FRS2: variants seen among roughly 807,000 people sequenced by gnomAD.
FRS2 encodes the protein FGFR signalling adaptor.
Under a neutral mutation model 43.9 loss-of-function variants are expected in FRS2, and 8 were observed. The ratio of observed to expected loss-of-function variants is 0.18; its 90% confidence interval spans 0.11 to 0.33. The LOEUF is 0.33. Among genes scored for constraint, FRS2 ranks in the 10% least tolerant of loss-of-function variants. FRS2 has a pLI of 1.00. For missense variants in FRS2, 534 were observed against 627.6 expected, an observed-to-expected ratio of 0.85 and a Z score of 1.59; for synonymous variants, 219 against 220.3, an observed-to-expected ratio of 0.99 and a Z score of 0.05.
Position 69,574,273 on chromosome 12 carries a change from A to G in FRS2, c.845A>G (p.Asn282Ser). 6.2e-7 allele frequency: 1 copy of G among 1,614,228 alleles called. No homozygotes were observed. Among genetic ancestry groups the G allele is most frequent in the Non-Finnish European group, 8.5e-7 (1 of 1,180,024 alleles). The change falls in exon 9 of 9, where the codon AAT (asparagine) becomes AGT (serine). Residue 282 changes from asparagine to serine, a missense_variant. Transcript: ENST00000549921. ...GATCAAGTTAGTGGAAGTGGAGCAA[A>G]TAACACAGAATGGGACACTGGCTAT... ...GRDQVSGSGA[N>S]NTEWDTGYDS...
Position 69,571,598 on chromosome 12 carries a change from A to G in FRS2, c.412+164A>G, listed in dbSNP as rs558087699. On this transcript the variant is annotated intron_variant, in intron 7 of 8. Coordinates refer to ENST00000549921, the MANE Select transcript of FRS2 (RefSeq NM_001278356.2). ...AGCTGTAGGCCGGGCGCAGTGGCTCACGCCTGTAATCCCAGCACTTTGGGA... is the reference window on the plus strand; with the variant it reads ...AGCTGTAGGCCGGGCGCAGTGGCTCGCGCCTGTAATCCCAGCACTTTGGGA... Among the ~76,000 whole-genome samples the G allele has an allele frequency of 1.9e-3, 293 of 152,336 alleles. 6 individuals are homozygous for G. The highest frequency in any genetic ancestry group is 0.018 in the Admixed American group (282 of 15,304).
In FRS2 at chr12:69,575,858, T is replaced by G. The variant is rs1394831754; in HGVS notation, c.*903T>G. 1 of 152,652 alleles carries G rather than the reference T, an allele frequency of 6.6e-6. No homozygotes were observed. The highest frequency in any genetic ancestry group is 1.5e-5 in the Non-Finnish European group (1 of 68,040). The allele number at this position is 152,652 out of a possible 1,614,324, so 9.5% of individuals were successfully genotyped here. On this transcript the variant is annotated 3_prime_UTR_variant, in exon 9 of 9. Coordinates refer to ENST00000549921, the MANE Select transcript of FRS2 (RefSeq NM_001278356.2). ...TTTGTTGCCTTATGTCCTTTTCAAT[T>G]TAAAATGTTTGAGTTTGTATATAGT... is the stretch of plus-strand genomic sequence containing the variant.
intron 1 of FRS2, among the ~76,000 whole-genome samples, chr12:69,520,376 G>GTTTTT (rs112572825): frequency 8.2e-5 from 9 of 110,028 alleles, no homozygotes; most frequent in Non-Finnish European, 1.6e-4. Flanking sequence ...TCTATTATTA[G>GTTTTT]TTTTTTTTTT....
intron 1 of FRS2, among the ~76,000 whole-genome samples, chr12:69,479,748 G>A (rs1871197445): frequency 6.6e-6 from 1 of 152,042 alleles, no homozygotes; most frequent in Non-Finnish European, 1.5e-5. Flanking sequence ...TGTTCTTGGT[G>A]ATCTGCATTT....
intron 3 of FRS2, chr12:69,557,646 G>A (rs1879537647): frequency 2.0e-5 from 3 of 147,322 alleles, no homozygotes; most frequent in South Asian, 4.4e-4. Context: ...GCAGGTGCAT[G>A]CACGCTAGGA....
In FRS2 at chr12:69,486,221, C is replaced by T. The variant is rs974314455; in HGVS notation, c.-261+15691C>T. On this transcript the variant is annotated intron_variant, in intron 1 of 8. Coordinates refer to ENST00000549921, the MANE Select transcript of FRS2 (RefSeq NM_001278356.2). ...TAACAGATTGAAGGTTTGTGGCAAC[C>T]CTGTATTCAGAATTCTGTATCAGTG... is the stretch of plus-strand genomic sequence containing the variant. 4.6e-5 allele frequency: 7 copies of T among 150,812 alleles called. No homozygotes were observed. In the East Asian group the frequency reaches 1.2e-3, roughly 25 times the overall value. 9.3% of individuals were successfully genotyped at this position (150,812 alleles called of 1,614,324 possible). A position where few individuals can be genotyped will look rare whatever the true frequency, so the allele number is the denominator to read the frequency against.
chr12:69,516,280 G>A (rs560027608), intron 1 of FRS2, among the ~76,000 whole-genome samples: 17 of 151,166 alleles, frequency 1.1e-4, no homozygotes, highest in Admixed American at 3.3e-4. Context: ...GTGCAATGGC[G>A]CGATCTCGGC....
chr12:69,475,965 A>AGTTTTT (rs1416832257), intron 1 of FRS2, among the ~76,000 whole-genome samples: 1 of 152,016 alleles, frequency 6.6e-6, no homozygotes, highest in Non-Finnish European at 1.5e-5. Flanking sequence ...GGTAATCGGT[A>AGTTTTT]GTTTTTGTTT....
chr12:69,548,204 G>A (rs972870695), intron 3 of FRS2, among the ~76,000 whole-genome samples: 9 of 152,104 alleles, frequency 5.9e-5, no homozygotes, highest in African/African-American at 2.2e-4. Context: ...GTTGATAAAA[G>A]ACTAGAGCAG....
intron 3 of FRS2, among the ~76,000 whole-genome samples, chr12:69,552,887 A>G (rs917270686): frequency 1.4e-4 from 21 of 149,280 alleles, no homozygotes; most frequent in African/African-American, 4.6e-4. Context: ...GCGAGACTCC[A>G]TCTCAAAAAA....
chr12:69,544,875 TATC>T (rs1878234636), intron 3 of FRS2, among the ~76,000 whole-genome samples: 1 of 152,064 alleles, frequency 6.6e-6, no homozygotes, highest in African/African-American at 2.4e-5. Context: ...TTCTATTAAA[TATC>T]ATACTGGATA....
chr12:69,535,291 A>G (rs1057035573), intron 3 of FRS2, among the ~76,000 whole-genome samples: 1 of 152,188 alleles, frequency 6.6e-6, no homozygotes, highest in Non-Finnish European at 1.5e-5. Flanking sequence ...TTGAAATGAG[A>G]TCTAGATACA....
At chr12:69,515,813 A>G (rs1314873606) in intron 1 of FRS2, among the ~76,000 whole-genome samples, 3 of 151,540 alleles carry the variant, frequency 2.0e-5, no homozygotes, top group South Asian at 4.2e-4. Flanking sequence ...TCCCTAGAGT[A>G]AACAGTAGAT....
At chr12:69,529,726 G>A (rs1340041059) in intron 1 of FRS2, among the ~76,000 whole-genome samples, 1 of 152,058 alleles carries the variant, frequency 6.6e-6, no homozygotes, top group African/African-American at 2.4e-5. Context: ...AAATCCTTAT[G>A]AACACTTATA....
chr12:69,569,128 C>G, intron 5 of FRS2, 32 bp downstream of exon 5: 2 of 1,290,820 alleles, frequency 1.5e-6, no homozygotes, highest in Admixed American at 1.8e-5. Context: ...ATATATCTTA[C>G]TGCCTAGTTG....
At chr12:69,503,088 C>G (rs1276927597) in intron 1 of FRS2, among the ~76,000 whole-genome samples, 1 of 152,198 alleles carries the variant, frequency 6.6e-6, no homozygotes, top group African/African-American at 2.4e-5. Context: ...TCTATAGGCT[C>G]TGGCAAAGAA....
chr12:69,556,920 A>G (rs558172593), intron 3 of FRS2, among the ~76,000 whole-genome samples: 70 of 152,212 alleles, frequency 4.6e-4, no homozygotes, highest in Non-Finnish European at 7.3e-4. Flanking sequence ...TTTACCTCCT[A>G]CAGTTGCTCA....
chr12:69,515,015 C>T (rs892504647), intron 1 of FRS2, among the ~76,000 whole-genome samples: 3 of 152,160 alleles, frequency 2.0e-5, no homozygotes, highest in Non-Finnish European at 4.4e-5. Flanking sequence ...AAATGTTATA[C>T]AAGAATTATC....
chr12:69,491,987 C>G (rs1310473171), intron 1 of FRS2, among the ~76,000 whole-genome samples: 1 of 152,068 alleles, frequency 6.6e-6, no homozygotes, highest in Non-Finnish European at 1.5e-5. Flanking sequence ...ATAAGGTACT[C>G]TGCAAAAATA....
Sources: gnomAD v4.1 joint callset for allele counts (sites outside exome capture counted in the v4.1 genomes callset) on GRCh38, gnomAD v4.1.1 for gene constraint, MANE v1.5 for transcripts, NCBI Gene and HGNC (gene_info 2026-07-23, HGNC 2026-07-21) for gene names.